Variants in RPS6KA2 observed in about 807,000 individuals in gnomAD.
RPS6KA2 encodes the protein ribosomal protein S6 kinase A2.
Under a neutral mutation model 91.8 loss-of-function variants are expected in RPS6KA2, and 42 were observed. The observed-to-expected ratio is 0.46, with a 90% CI of 0.36 to 0.59. RPS6KA2 has a LOEUF of 0.59. Among genes scored for constraint, RPS6KA2 ranks in the 20% least tolerant of loss-of-function variants. RPS6KA2 has a pLI of 0.00. For missense variants in RPS6KA2, 798 were observed against 978.5 expected, an observed-to-expected ratio of 0.82 and a Z score of 2.46; for synonymous variants, 414 against 393.6, an observed-to-expected ratio of 1.05 and a Z score of -0.61.
intron 1 of RPS6KA2, among the ~76,000 whole-genome samples, chr6:166,605,468 C>G (rs185681430): frequency 6.6e-6 from 1 of 152,116 alleles, no homozygotes. Context: ...ATTATGTTAT[C>G]GGGATTGATA....
rs1778328273 is a variant in RPS6KA2, at chr6:166,412,232, G to A, written c.*530C>T. 1 of 152,914 alleles carries A rather than the reference G, an allele frequency of 6.5e-6. No individual in the cohort carries two copies. The highest frequency in any genetic ancestry group is 6.5e-5 in the Admixed American group (1 of 15,290). 9.5% of individuals were successfully genotyped at this position (152,914 alleles called of 1,614,324 possible). A position where few individuals can be genotyped will look rare whatever the true frequency, so the allele number is the denominator to read the frequency against. ...TTTGGATTATTTTGGGCAGAACCAG[G>A]CATCTCCTCCTGGACGCCACAGTGC... On this transcript the variant is annotated 3_prime_UTR_variant, in exon 21 of 21. Coordinates refer to ENST00000265678, the MANE Select transcript of RPS6KA2 (RefSeq NM_021135.6). The surrounding 1 kb of genome is among the most constrained non-coding windows in gnomAD (Gnocchi z 4.3).
Position 166,852,935 on chromosome 6 carries a change from C to T in RPS6KA2, c.123+5265G>A, listed in dbSNP as rs1780783103. Reference sequence around the variant, plus strand: ...ACAGCAGGAAATGCACCTGCCCTGCCCCCTCGCCCGGATACTTTCTATTCT... The same window carrying T: ...ACAGCAGGAAATGCACCTGCCCTGCTCCCTCGCCCGGATACTTTCTATTCT... On this transcript the variant is annotated intron_variant, in intron 2 of 21. Coordinates refer to the RPS6KA2 transcript ENST00000503859. The surrounding 1 kb of genome is among the most constrained non-coding windows in gnomAD (Gnocchi z 4.1). Among the ~76,000 whole-genome samples, 1 of 152,100 alleles carries T rather than the reference C, an allele frequency of 6.6e-6. No homozygotes were observed.
exon 2 of RPS6KA2, chr6:166,858,212 G>A: frequency 6.5e-7 from 1 of 1,534,468 alleles, no homozygotes; most frequent in South Asian, 1.1e-5. Context: ...CTTCTGCAGT[G>A]TCTTCTGTGG....
At chr6:166,846,336 G>A (rs890911991) in intron 2 of RPS6KA2, among the ~76,000 whole-genome samples, 1 of 152,100 alleles carries the variant, frequency 6.6e-6, no homozygotes, top group Non-Finnish European at 1.5e-5. Flanking sequence ...TAGAGAAGGA[G>A]GGAATCCTTC....
chr6:166,830,102 G>GCAA (rs1196429680), intron 2 of RPS6KA2, among the ~76,000 whole-genome samples: 1 of 136,998 alleles, frequency 7.3e-6, no homozygotes, highest in Non-Finnish European at 1.5e-5. Context: ...TCCAGCCTGG[G>GCAA]CAACAAAAGC....
rs79738826 is a variant in RPS6KA2, at chr6:166,648,230, A to G, written c.124-109446T>C. ...CTCATGCACACACACGCACATGCGC[A>G]CACACACACATTCACACAGGCACAC... On this transcript the variant is annotated intron_variant, in intron 2 of 21. Transcript: ENST00000503859. The surrounding 1 kb of genome is among the most constrained non-coding windows in gnomAD (Gnocchi z 4.8). Among the ~76,000 whole-genome samples, 18,721 of 148,638 alleles carry G rather than the reference A, an allele frequency of 0.13. 1,279 individuals are homozygous for G. The highest frequency in any genetic ancestry group is 0.2 in the East Asian group (972 of 4,982).
chr6:166,455,373 C>T (rs893514056), intron 12 of RPS6KA2, among the ~76,000 whole-genome samples: 12 of 152,160 alleles, frequency 7.9e-5, no homozygotes, highest in Admixed American at 7.9e-4. Flanking sequence ...GACGACGCAG[C>T]GTCCCACTGG....
chr6:166,536,954 G>C (rs1162274287), intron 2 of RPS6KA2, among the ~76,000 whole-genome samples: 2 of 152,206 alleles, frequency 1.3e-5, no homozygotes, highest in African/African-American at 4.8e-5. Context: ...TCCAAAACAT[G>C]TTTTTTTAAA....
Position 166,438,073 on chromosome 6 carries a change from G to A in RPS6KA2, c.1333-5583C>T, listed in dbSNP as rs577480876. ...TTGAGTTGCCGAAAGGATCAGTATC[G>A]TATTTGACACAAAGGTAGGAGAGCA... On this transcript the variant is annotated intron_variant, in intron 14 of 20. Coordinates refer to ENST00000265678, the MANE Select transcript of RPS6KA2 (RefSeq NM_021135.6). Among the ~76,000 whole-genome samples the A allele has an allele frequency of 1.1e-3, 171 of 152,290 alleles. 2 individuals carry two copies. Among genetic ancestry groups the A allele is most frequent in the African/African-American group, 3.2e-3 (131 of 41,568 alleles).
At position 166,531,785 on chromosome 6, in the gene RPS6KA2, G is replaced by C. The variant is rs146112167; in HGVS notation, c.217-472C>G. 5.5e-4 allele frequency among the ~76,000 whole-genome samples: 83 copies of C among 151,564 alleles called. 2 individuals are homozygous for C. The East Asian group carries it at 0.011, about 20-fold the overall frequency. ...AACTGTCTTCACCCAAATTTTAGCT[G>C]TGAGTAGCTTAAGAGTTCCTTTCTA... On this transcript the variant is annotated intron_variant, in intron 2 of 20. Transcript: ENST00000265678.
At chr6:166,470,530 G>A (rs935249989) in intron 10 of RPS6KA2, among the ~76,000 whole-genome samples, 7 of 152,332 alleles carry the variant, frequency 4.6e-5, no homozygotes, top group East Asian at 3.9e-4. Context: ...ACTTTGTTGC[G>A]TACAATCCTA....
At chr6:166,800,059 T>G (rs547546272) in intron 2 of RPS6KA2, among the ~76,000 whole-genome samples, 1 of 152,212 alleles carries the variant, frequency 6.6e-6, no homozygotes, top group Non-Finnish European at 1.5e-5. Context: ...GGTATTTTTT[T>G]TGTTTCTGGC....
intron 2 of RPS6KA2, among the ~76,000 whole-genome samples, chr6:166,734,973 T>G (rs888355710): frequency 2.6e-5 from 4 of 152,258 alleles, no homozygotes; most frequent in African/African-American, 9.6e-5. Context: ...AGTCTCAGTT[T>G]AGAAACTGTA....
chr6:166,432,399 A>T lies in RPS6KA2; in HGVS notation c.1422+2T>A. ...AGATGCTGTTGCACGGGGACCACTC[A>T]CATCCTTGAGGGTGATGATGTTCGG... On this transcript the variant is annotated splice_donor_variant, in intron 15 of 20. Transcript: ENST00000265678. LOFTEE classifies it high-confidence loss of function. 6.2e-7 allele frequency: 1 copy of T among 1,604,746 alleles called. No individual in the cohort carries two copies. The highest frequency in any genetic ancestry group is 8.5e-7 in the Non-Finnish European group (1 of 1,171,814).
intron 1 of RPS6KA2, among the ~76,000 whole-genome samples, chr6:166,574,278 T>C (rs569111019): frequency 2.6e-5 from 4 of 152,216 alleles, no homozygotes; most frequent in Non-Finnish European, 5.9e-5. Flanking sequence ...CTGAGCACAG[T>C]ACCCAGTAGG....
At chr6:166,810,098 C>G (rs1339765576) in intron 2 of RPS6KA2, among the ~76,000 whole-genome samples, 1 of 152,094 alleles carries the variant, frequency 6.6e-6, no homozygotes, top group Non-Finnish European at 1.5e-5. Flanking sequence ...CAGGATGGAG[C>G]GAGTGCACGC....
chr6:166,598,648 G>A (rs1243221130), intron 1 of RPS6KA2, among the ~76,000 whole-genome samples: 1 of 152,180 alleles, frequency 6.6e-6, no homozygotes, highest in Non-Finnish European at 1.5e-5. Flanking sequence ...TTGGCTCTAA[G>A]CGCCTCTGTT....
At chr6:166,463,078 G>C (rs1780383055) in intron 11 of RPS6KA2, 1 of 152,352 alleles carries the variant, frequency 6.6e-6, no homozygotes, top group Non-Finnish European at 1.5e-5. Context: ...GGTCACTCTG[G>C]CCCTTTGGAC....
chr6:166,739,536 T>C (rs1403264956), intron 2 of RPS6KA2, among the ~76,000 whole-genome samples: 1 of 152,214 alleles, frequency 6.6e-6, no homozygotes, highest in Non-Finnish European at 1.5e-5. Context: ...TTGGCTTCAC[T>C]GGGAGCTTTT....
Sources: gnomAD v4.1 joint callset for allele counts (sites outside exome capture counted in the v4.1 genomes callset) on GRCh38, gnomAD v4.1.1 for gene constraint, Gnocchi (gnomAD v3.1) non-coding constraint, MANE v1.5 for transcripts, NCBI Gene and HGNC (gene_info 2026-07-23, HGNC 2026-07-21) for gene names.